The following KIF23 variants were observed in gnomAD, a reference collection of about 807,000 sequenced individuals.
KIF23 encodes kinesin-like protein KIF23.
KIF23 carries 30 observed loss-of-function variants against 137.5 expected under a neutral mutation model. The observed-to-expected ratio is 0.22, with a 90% CI of 0.16 to 0.30. The LOEUF is 0.30. Among genes scored for constraint, KIF23 ranks in the 10% least tolerant of loss-of-function variants. The pLI, the probability that KIF23 is intolerant of heterozygous loss-of-function variation, is 1.00. For missense variants in KIF23, 920 were observed against 1,194.3 expected (o/e 0.77, Z 3.38); for synonymous variants, 367 against 391.1 (o/e 0.94, Z 0.73).
At chr15:69,433,854 T>C (rs1008981451) in intron 11 of KIF23, among the ~76,000 whole-genome samples, 3 of 152,196 alleles carry the variant, frequency 2.0e-5, no homozygotes, top group Admixed American at 2.0e-4. Context: ...ACACCCTAAG[T>C]AAACAGGTGA....
chr15:69,422,294 G>C, intron 5 of KIF23, 32 bp from the exon 6 acceptor site: 3 of 1,438,244 alleles, frequency 2.1e-6, no homozygotes, highest in East Asian at 2.3e-5. Flanking sequence ...AAAAAACGTG[G>C]TGTGATTTTT....
chr15:69,414,593 C>T (rs1057377310), intron 1 of KIF23, 117 bp downstream of exon 1: 206 of 1,174,396 alleles, frequency 1.8e-4, no homozygotes, highest in Non-Finnish European at 2.2e-4. Context: ...GACAGCATCC[C>T]GCCCGGTGCT....
intron 10 of KIF23, among the ~76,000 whole-genome samples, chr15:69,427,920 C>A (rs1384390598): frequency 6.6e-6 from 1 of 152,158 alleles, no homozygotes; most frequent in Non-Finnish European, 1.5e-5. Flanking sequence ...AGTTCTTAGT[C>A]CAGTGCTTAG....
At chr15:69,434,664 C>T (rs1596006496) in intron 11 of KIF23, 2 of 1,477,692 alleles carry the variant, frequency 1.4e-6, no homozygotes, top group South Asian at 1.1e-5. Context: ...GTCTCACCCT[C>T]CTGTCTTGAG....
rs749404547 is a variant in KIF23, at chr15:69,445,047, A to T, written c.2673+6A>T. On this transcript the variant is annotated splice_donor_region_variant and intron_variant, in intron 20 of 23. Coordinates refer to ENST00000679126, the MANE Select transcript of KIF23 (RefSeq NM_001367805.3). ...TTGAAACTAAACTAATTAAGGTAAA[A>T]AACTAATTTTCACAGGAGAAAAAAA... 6 of 1,594,266 alleles carry T rather than the reference A, an allele frequency of 3.8e-6. No individual in the cohort carries two copies. The African/African-American group carries it at 5.4e-5, about 14-fold the overall frequency.
Position 69,448,046 on chromosome 15 carries a change from A to G in KIF23, c.*239A>G. 2.9e-6 allele frequency: 1 copy of G among 344,366 alleles called. No individual in the cohort carries two copies. Among genetic ancestry groups the G allele is most frequent in the Non-Finnish European group, 5.2e-6 (1 of 191,708 alleles). The allele number at this position is 344,366 out of a possible 1,614,324, so 21.3% of individuals were successfully genotyped here. A position where few individuals can be genotyped will look rare whatever the true frequency, so the allele number is the denominator to read the frequency against. On this transcript the variant is annotated 3_prime_UTR_variant, in exon 24 of 24. Transcript: ENST00000679126. ...CCATATTTAATATTAATAGCAGAGGAAGACTCCTTTTTTCATCACTGTATG... is the reference window on the plus strand; with the variant it reads ...CCATATTTAATATTAATAGCAGAGGGAGACTCCTTTTTTCATCACTGTATG...
At chr15:69,446,793 G>C in intron 22 of KIF23, 78 bp from the exon 23 acceptor site, 12 of 1,270,538 alleles carry the variant, frequency 9.4e-6, no homozygotes, top group Non-Finnish European at 1.4e-5. Flanking sequence ...TCACCTAGGT[G>C]TGGAGCCTGC....
intron 10 of KIF23, among the ~76,000 whole-genome samples, chr15:69,426,937 A>G (rs1466944761): frequency 6.6e-6 from 1 of 152,150 alleles, no homozygotes; most frequent in African/African-American, 2.4e-5. Context: ...CTTGTTACAT[A>G]GTGTTTACAT....
intron 11 of KIF23, among the ~76,000 whole-genome samples, chr15:69,430,448 A>G (rs1264998934): frequency 6.6e-6 from 1 of 152,212 alleles, no homozygotes; most frequent in Non-Finnish European, 1.5e-5. Context: ...GAGCGAGCCC[A>G]TCCTAATAGA....
Position 69,426,483 on chromosome 15 carries a change from T to G in KIF23, c.1011+26T>G, listed in dbSNP as rs779496268. ...GTAAAGTTGTAGTATGTGGAGTTTT[T>G]CTGGTTCTAACTCTATCCTTAATTT... is the stretch of plus-strand genomic sequence containing the variant. On this transcript the variant is annotated intron_variant, in intron 10 of 23. Coordinates refer to ENST00000679126, the MANE Select transcript of KIF23 (RefSeq NM_001367805.3). The G allele has an allele frequency of 7.4e-6, 12 of 1,611,566 alleles. No individual in the cohort carries two copies. In the East Asian group the frequency reaches 2.5e-4, roughly 33 times the overall value.
At chr15:69,428,375 G>T (rs766013829) in intron 10 of KIF23, among the ~76,000 whole-genome samples, 2 of 151,878 alleles carry the variant, frequency 1.3e-5, no homozygotes, top group Non-Finnish European at 2.9e-5. Flanking sequence ...AGAATTATTT[G>T]CTGGGCGTGG....
At chr15:69,427,512 T>C in intron 10 of KIF23, 1 of 450,170 alleles carries the variant, frequency 2.2e-6, no homozygotes, top group Admixed American at 2.4e-5. Flanking sequence ...AAGTGGAAAT[T>C]CAGTTAGTGG....
chr15:69,445,992 T>C lies in KIF23; in HGVS notation c.2674-17T>C. On this transcript the variant is annotated splice_polypyrimidine_tract_variant and intron_variant, in intron 20 of 23. Transcript: ENST00000679126. ...GGTGTATCAATGTGTAACAGTGACC[T>C]TTTCTTTTGGCTTTAGGGTGATATT... 1 of 1,595,506 alleles carries C rather than the reference T, an allele frequency of 6.3e-7. No homozygotes were observed. The highest frequency in any genetic ancestry group is 8.6e-7 in the Non-Finnish European group (1 of 1,163,834).
chr15:69,415,872 T>G (rs1180228452), intron 1 of KIF23, 122 bp from the exon 2 acceptor site: 1 of 674,208 alleles, frequency 1.5e-6, no homozygotes, highest in Non-Finnish European at 2.4e-6. Flanking sequence ...GATGCAGTGT[T>G]TTGCAACTGC....
At chr15:69,417,541 A>G (rs2056949093) in intron 3 of KIF23, 30 bp downstream of exon 3, 21 of 1,599,990 alleles carry the variant, frequency 1.3e-5, no homozygotes, top group Non-Finnish European at 1.8e-5. Flanking sequence ...AGTTGTTTTT[A>G]CTCAATATGT....
chr15:69,429,079 AT>A, intron 10 of KIF23, 31 bp from the exon 11 acceptor site: 1 of 1,450,956 alleles, frequency 6.9e-7, no homozygotes, highest in Non-Finnish European at 9.6e-7. Context: ...GTTATAACCC[AT>A]TTTAAGTTAT....
chr15:69,422,242 CT>C, intron 5 of KIF23, 83 bp from the exon 6 acceptor site: 2 of 1,459,484 alleles, frequency 1.4e-6, no homozygotes, highest in African/African-American at 1.4e-5. Flanking sequence ...TTAACTGTTC[CT>C]TAGTTTTTAA....
At chr15:69,421,115 A>G (rs1271707614) in intron 3 of KIF23, among the ~76,000 whole-genome samples, 1 of 152,138 alleles carries the variant, frequency 6.6e-6, no homozygotes, top group Non-Finnish European at 1.5e-5. Context: ...ATTTTTGGCC[A>G]GGTGTGGTGG....
At chr15:69,432,431 G>A (rs1255181897) in intron 11 of KIF23, among the ~76,000 whole-genome samples, 2 of 152,194 alleles carry the variant, frequency 1.3e-5, no homozygotes, top group Non-Finnish European at 2.9e-5. Flanking sequence ...TGGCATGTAG[G>A]AGGAATATTT....
Sources: gnomAD v4.1 joint callset for allele counts (sites outside exome capture counted in the v4.1 genomes callset) on GRCh38, gnomAD v4.1.1 for gene constraint, MANE v1.5 for transcripts, NCBI Gene and HGNC (gene_info 2026-07-23, HGNC 2026-07-21) for gene names.